PIK3R4: variants seen among roughly 807,000 people sequenced by gnomAD.
PIK3R4 encodes phosphoinositide-3-kinase regulatory subunit 4.
A neutral mutation model predicts 136.5 loss-of-function variants in PIK3R4; 46 were observed. The ratio of observed to expected loss-of-function variants is 0.34; its 90% confidence interval spans 0.27 to 0.43. The LOEUF is 0.43. PIK3R4 is among the 20% of genes least tolerant of loss of function. PIK3R4 has a pLI of 1.00. For missense variants in PIK3R4, 1,331 were observed against 1,649.5 expected (o/e 0.81, Z 3.35); for synonymous variants, 557 against 566.7 (o/e 0.98, Z 0.24).
rs369624286 is a variant in PIK3R4 at position 130,733,934 on chromosome 3, T to G, written c.1064A>C (p.His355Pro). The G allele has an allele frequency of 2.1e-4, 332 of 1,614,048 alleles. 1 individual carries two copies. The highest frequency in any genetic ancestry group is 2.7e-4 in the Non-Finnish European group (314 of 1,180,022). Residue 355 changes from histidine to proline, a missense_variant, in exon 4 of 20, where the codon CAC (histidine) becomes CCC (proline). Physicochemically the swap from His to Pro is moderately conservative, Grantham distance 77 (BLOSUM62 -2). Transcript: ENST00000356763. ...TGGCAGATCATGTCCACAGAGATTGTGAATAATGTTGCCCAAATCCTTCCG... is the reference window on the plus strand; with the variant it reads ...TGGCAGATCATGTCCACAGAGATTGGGAATAATGTTGCCCAAATCCTTCCG... The part of the protein sequence containing the change: ...VIRKDLGNII[H>P]NLCGHDLPEK...
intron 17 of PIK3R4, 129 bp downstream of exon 17, chr3:130,681,361 TG>T (rs1432559994): frequency 2.9e-6 from 2 of 678,124 alleles, no homozygotes; most frequent in Admixed American, 4.9e-5. Flanking sequence ...ACATGATACT[TG>T]ATGTTATTAA....
chr3:130,701,995 G>A (rs1388994023), intron 13 of PIK3R4, among the ~76,000 whole-genome samples: 1 of 151,864 alleles, frequency 6.6e-6, no homozygotes, highest in East Asian at 1.9e-4. Flanking sequence ...TTTTTAATTA[G>A]CTGGGTGTGG....
intron 9 of PIK3R4, among the ~76,000 whole-genome samples, chr3:130,715,400 AGGCCTGAACCACGGCACCC>A (rs930853449): frequency 3.7e-4 from 57 of 152,066 alleles, no homozygotes; most frequent in African/African-American, 7.5e-4. Flanking sequence ...CTGGGTTTAT[AGGCCTGAACCACGGCACCC>A]GGCCTGTTTC....
In PIK3R4 at chr3:130,723,552, T is replaced by C. The variant is rs200974854; in HGVS notation, c.1843A>G (p.Ile615Val). Residue 615 changes from isoleucine to valine, a missense_variant, in exon 7 of 20, where the codon ATT (isoleucine) becomes GTT (valine). By Grantham distance (29) the Ile-to-Val change is conservative (BLOSUM62 3). Coordinates refer to ENST00000356763, the MANE Select transcript of PIK3R4 (RefSeq NM_014602.3). ...AAYVGWQSSSILKPLLQQGLS... is the reference protein window; with the variant it reads ...AAYVGWQSSSVLKPLLQQGLS... ...CCTTGTTGCAGCAGAGGCTTGAGAA[T>C]TGAGGAGCTTTGCCAGCCAACATAG... 6 of 1,613,274 alleles carry C rather than the reference T, an allele frequency of 3.7e-6. No homozygotes were observed. Among genetic ancestry groups the C allele is most frequent in the Admixed American group, 3.3e-5 (2 of 59,824 alleles).
intron 5 of PIK3R4, among the ~76,000 whole-genome samples, chr3:130,729,425 G>C (rs892022576): frequency 2.6e-5 from 4 of 152,124 alleles, no homozygotes; most frequent in African/African-American, 9.7e-5. Flanking sequence ...AAGGAAAAAG[G>C]TAACTGGTCT....
chr3:130,684,223 C>T (rs754042076), intron 16 of PIK3R4, 27 bp downstream of exon 16: 2 of 1,600,520 alleles, frequency 1.2e-6, no homozygotes, highest in East Asian at 2.2e-5. Flanking sequence ...AATCTCCCAA[C>T]ACATGAAAGC....
chr3:130,738,936 G>GT (rs1401857868), intron 2 of PIK3R4, among the ~76,000 whole-genome samples: 1 of 152,234 alleles, frequency 6.6e-6, no homozygotes, highest in African/African-American at 2.4e-5. Context: ...TGTGGAGGAC[G>GT]TATTTGAGTG....
At chr3:130,687,961 T>C (rs772322659) in intron 14 of PIK3R4, among the ~76,000 whole-genome samples, 3 of 152,194 alleles carry the variant, frequency 2.0e-5, no homozygotes, top group Non-Finnish European at 2.9e-5. Context: ...GCTACGGCAG[T>C]GTGCCTGCTT....
chr3:130,710,617 T>C (rs979670467), intron 9 of PIK3R4, among the ~76,000 whole-genome samples: 2 of 151,874 alleles, frequency 1.3e-5, no homozygotes, highest in African/African-American at 4.8e-5. Context: ...TGGAAAAAAA[T>C]GAATAAAATA....
At chr3:130,725,217 A>C (rs1014033689) in intron 6 of PIK3R4, among the ~76,000 whole-genome samples, 20 of 152,094 alleles carry the variant, frequency 1.3e-4, no homozygotes, top group Admixed American at 2.6e-4. Context: ...GGTGATTAAA[A>C]ATATATAATA....
intron 9 of PIK3R4, among the ~76,000 whole-genome samples, chr3:130,715,364 C>T (rs61098381): frequency 0.21 from 31,138 of 151,648 alleles, 3,413 homozygotes; most frequent in South Asian, 0.36. Context: ...CCTCGGGTGA[C>T]CCACCCACCT....
intron 7 of PIK3R4, among the ~76,000 whole-genome samples, chr3:130,723,092 A>AAAAAAAAAAAAAAAAAAAAAAAAAAAAAC: frequency 7.6e-6 from 1 of 131,144 alleles, no homozygotes; most frequent in Admixed American, 8.2e-5. Flanking sequence ...AAAAAAAAAA[A>AAAAAAAAAAAAAAAAAAAAAAAAAAAAAC]AAAAATTAAA....
chr3:130,683,965 G>A (rs930140372), intron 16 of PIK3R4, among the ~76,000 whole-genome samples: 8 of 152,082 alleles, frequency 5.3e-5, no homozygotes, highest in Non-Finnish European at 8.8e-5. Flanking sequence ...AGCTCTCTAG[G>A]AAGATGGTGG....
chr3:130,719,585 G>C (rs1215481788), intron 7 of PIK3R4, among the ~76,000 whole-genome samples: 4 of 152,066 alleles, frequency 2.6e-5, no homozygotes, highest in Admixed American at 2.0e-4. Flanking sequence ...GGGACACTGG[G>C]TATTTTCCCT....
At chr3:130,746,038 A>G (rs533692326) in intron 1 of PIK3R4, among the ~76,000 whole-genome samples, 1 of 152,188 alleles carries the variant, frequency 6.6e-6, no homozygotes, top group East Asian at 1.9e-4. Context: ...AATAAAAAAA[A>G]AAAAAGAAAA....
intron 12 of PIK3R4, 39 bp from the exon 13 acceptor site, chr3:130,703,927 T>C (rs779992645): frequency 8.8e-5 from 122 of 1,382,608 alleles, no homozygotes; most frequent in Non-Finnish European, 1.2e-4. Flanking sequence ...AACTGTAGTT[T>C]ACAAATACAA....
At chr3:130,697,338 C>T (rs898761091) in intron 13 of PIK3R4, among the ~76,000 whole-genome samples, 3 of 152,072 alleles carry the variant, frequency 2.0e-5, no homozygotes, top group Non-Finnish European at 4.4e-5. Flanking sequence ...TCCCAAAGTG[C>T]TTGGGATTAC....
At chr3:130,738,911 G>C (rs1051472488) in intron 2 of PIK3R4, among the ~76,000 whole-genome samples, 1 of 152,206 alleles carries the variant, frequency 6.6e-6, no homozygotes, top group Non-Finnish European at 1.5e-5. Flanking sequence ...AGAATGCTGA[G>C]GTCCTACTGT....
In PIK3R4 at chr3:130,716,376, C is replaced by A; in HGVS notation, c.2331+20G>T. The A allele has an allele frequency of 6.3e-7, 1 of 1,597,472 alleles. No individual in the cohort carries two copies. The highest frequency in any genetic ancestry group is 8.6e-7 in the Non-Finnish European group (1 of 1,167,344). On this transcript the variant is annotated intron_variant, in intron 9 of 19. Transcript: ENST00000356763. ...ATGAAATTCGCATTTAAATGTAAGA[C>A]TTTGGAAGGGTGATACAACCTGTGA...
Sources: allele counts gnomAD v4.1 joint callset (sites outside exome capture counted in the v4.1 genomes callset), GRCh38; gene constraint gnomAD v4.1.1; transcripts MANE v1.5; gene names NCBI Gene and HGNC (gene_info 2026-07-23, HGNC 2026-07-21).